The following CNTNAP2 variants were observed in gnomAD, a reference collection of about 807,000 sequenced individuals.
CNTNAP2 encodes the protein contactin associated protein 2, also known as contactin-associated protein-like 2.
A neutral mutation model predicts 155.2 loss-of-function variants in CNTNAP2; 98 were observed. The ratio of observed to expected loss-of-function variants is 0.63; its 90% confidence interval spans 0.54 to 0.75. The LOEUF (loss-of-function observed/expected upper bound fraction) is 0.75, where lower values mean the gene tolerates loss of function less well. Among genes scored for constraint, CNTNAP2 ranks in the 30% least tolerant of loss-of-function variants. CNTNAP2 has a pLI of 0.00. For synonymous variants in CNTNAP2, 651 were observed against 631.2 expected (o/e 1.03, Z -0.47); for missense variants, 1,727 against 1,688.1 (o/e 1.02, Z -0.40).
intron 8 of CNTNAP2, among the ~76,000 whole-genome samples, chr7:147,222,563 G>A (rs866878825): frequency 1.9e-4 from 29 of 152,116 alleles, no homozygotes; most frequent in Admixed American, 9.8e-4. Context: ...CAATATCCCT[G>A]CCATGTCTAT....
At chr7:147,801,852 CG>C (rs139509820) in intron 13 of CNTNAP2, among the ~76,000 whole-genome samples, 53,167 of 151,084 alleles carry the variant, frequency 0.35, 9,524 homozygotes, top group African/African-American at 0.42. Flanking sequence ...ACCTCCCAGA[CG>C]GGGGGGGCGG....
In CNTNAP2 at chr7:148,145,873, A is replaced by C. The variant is rs117342928; in HGVS notation, c.2555-1618A>C. Among the ~76,000 whole-genome samples the C allele has an allele frequency of 2.0e-5, 3 of 152,280 alleles. No homozygotes were observed. In the East Asian group the frequency reaches 5.8e-4, roughly 29 times the overall value. ...CTAATTTAGATGAGATATTTTTCTGAAGTGTGTGTCCAATGACCACAGGTG... is the reference window on the plus strand; with the variant it reads ...CTAATTTAGATGAGATATTTTTCTGCAGTGTGTGTCCAATGACCACAGGTG... On this transcript the variant is annotated intron_variant, in intron 16 of 23. Transcript: ENST00000361727.
At chr7:148,091,257 G>A (rs1203628441) in intron 15 of CNTNAP2, among the ~76,000 whole-genome samples, 3 of 152,040 alleles carry the variant, frequency 2.0e-5, no homozygotes, top group Non-Finnish European at 4.4e-5. Flanking sequence ...TTCAGATAAC[G>A]CATGTGTTAA....
At position 147,910,348 on chromosome 7, in the gene CNTNAP2, A is replaced by G. The variant is rs1441221482; in HGVS notation, c.2255+6627A>G. Among the ~76,000 whole-genome samples the G allele has an allele frequency of 3.3e-5, 5 of 152,202 alleles. No individual in the cohort carries two copies. In the South Asian group the frequency reaches 6.2e-4, roughly 19 times the overall value. ...ATGTTTCATATACTGTGTCATTTAA[A>G]CATCTCATTGACTCTATGCCAAAGG... On this transcript the variant is annotated intron_variant, in intron 14 of 23. Transcript: ENST00000361727.
At chr7:147,946,794 G>T (rs2116823445) in intron 14 of CNTNAP2, among the ~76,000 whole-genome samples, 1 of 152,228 alleles carries the variant, frequency 6.6e-6, no homozygotes, top group Non-Finnish European at 1.5e-5. Flanking sequence ...CAAATGGGAA[G>T]CTCCCCCTTC....
chr7:147,345,857 T>C (rs1429098074), intron 9 of CNTNAP2, among the ~76,000 whole-genome samples: 4 of 152,196 alleles, frequency 2.6e-5, no homozygotes, highest in African/African-American at 7.2e-5. Flanking sequence ...GAGCATCACA[T>C]AGTTATTTTG....
At chr7:147,404,598 A>G (rs1022711286) in intron 10 of CNTNAP2, among the ~76,000 whole-genome samples, 1 of 152,206 alleles carries the variant, frequency 6.6e-6, no homozygotes, top group Non-Finnish European at 1.5e-5. Context: ...TCATCATGCT[A>G]AATCTGACTT....
intron 13 of CNTNAP2, among the ~76,000 whole-genome samples, chr7:147,684,307 T>C (rs150432995): frequency 0.016 from 2,492 of 151,986 alleles, 222 homozygotes; most frequent in Admixed American, 0.15. Flanking sequence ...TATAGCTTGT[T>C]GGTATGCTTT....
intron 14 of CNTNAP2, among the ~76,000 whole-genome samples, chr7:147,923,464 G>T (rs796865700): frequency 6.6e-6 from 1 of 152,080 alleles, no homozygotes; most frequent in Middle Eastern, 3.2e-3. Context: ...GAAGCTAAGA[G>T]AAAGGCCTGG....
At chr7:146,370,090 T>C (rs974133779) in intron 1 of CNTNAP2, among the ~76,000 whole-genome samples, 1 of 151,424 alleles carries the variant, frequency 6.6e-6, no homozygotes. Context: ...TCCAGATTTG[T>C]TATCTAGTTG....
intron 3 of CNTNAP2, among the ~76,000 whole-genome samples, chr7:146,959,529 G>A (rs1161008195): frequency 2.0e-5 from 3 of 151,704 alleles, no homozygotes; most frequent in East Asian, 2.0e-4. Flanking sequence ...AGACCAGCCT[G>A]ACCAAAATGG....
chr7:147,523,674 T>C (rs1223812317), intron 11 of CNTNAP2, among the ~76,000 whole-genome samples: 1 of 152,182 alleles, frequency 6.6e-6, no homozygotes, highest in Non-Finnish European at 1.5e-5. Flanking sequence ...CATCCTGAAC[T>C]GCACAGGTGC....
chr7:146,527,366 A>G (rs1584964570), intron 1 of CNTNAP2, among the ~76,000 whole-genome samples: 2 of 152,290 alleles, frequency 1.3e-5, no homozygotes, highest in South Asian at 2.1e-4. Context: ...ATTTTTATTC[A>G]ATACCTGTTT....
At chr7:148,181,638 A>G (rs879894807) in intron 18 of CNTNAP2, among the ~76,000 whole-genome samples, 3 of 152,068 alleles carry the variant, frequency 2.0e-5, no homozygotes, top group Non-Finnish European at 2.9e-5. Context: ...TTCAGTGCAG[A>G]AAAAGCAAGT....
At position 147,792,796 on chromosome 7, in the gene CNTNAP2, G is replaced by T. The variant is rs890637613; in HGVS notation, c.2099-110769G>T. Among the ~76,000 whole-genome samples, 7 of 152,208 alleles carry T rather than the reference G, an allele frequency of 4.6e-5. No homozygotes were observed. The East Asian group carries it at 1.4e-3, about 29-fold the overall frequency. ...TGCCAGACTGTTTTTCAAAGCAGCT[G>T]CACCATTTTACATCCCCATCAACAG... On this transcript the variant is annotated intron_variant, in intron 13 of 23. Coordinates refer to ENST00000361727, the MANE Select transcript of CNTNAP2 (RefSeq NM_014141.6).
chr7:146,952,480 G>C (rs1390410270), intron 3 of CNTNAP2, among the ~76,000 whole-genome samples: 1 of 152,148 alleles, frequency 6.6e-6, no homozygotes, highest in East Asian at 1.9e-4. Flanking sequence ...AAAAGAGGAA[G>C]TCAAATTGTC....
At chr7:146,862,102 G>T (rs1204886541) in intron 3 of CNTNAP2, among the ~76,000 whole-genome samples, 1 of 152,102 alleles carries the variant, frequency 6.6e-6, no homozygotes, top group African/African-American at 2.4e-5. Context: ...ATGCAGGCGC[G>T]GTCGATGGCA....
intron 13 of CNTNAP2, among the ~76,000 whole-genome samples, chr7:147,902,682 T>C (rs549783065): frequency 6.6e-6 from 1 of 152,272 alleles, no homozygotes; most frequent in Admixed American, 6.5e-5. Flanking sequence ...CCTGAGTTAC[T>C]TCACTTAGAA....
intron 15 of CNTNAP2, among the ~76,000 whole-genome samples, chr7:148,115,913 TG>T (rs1804459290): frequency 6.6e-6 from 1 of 151,672 alleles, no homozygotes; most frequent in African/African-American, 2.4e-5. Context: ...CTGAGGCAGG[TG>T]GATCACTTGA....
Sources: allele counts gnomAD v4.1 joint callset (sites outside exome capture counted in the v4.1 genomes callset), GRCh38; gene constraint gnomAD v4.1.1; transcripts MANE v1.5; gene names NCBI Gene and HGNC (gene_info 2026-07-23, HGNC 2026-07-21).